The following GPR158 variants were observed in gnomAD, a reference collection of about 807,000 sequenced individuals.
GPR158 encodes metabotropic glycine receptor.
GPR158 carries 30 observed loss-of-function variants against 78.2 expected under a neutral mutation model. That is an observed-to-expected ratio of 0.38 (90% CI 0.29 to 0.52). The LOEUF is 0.52. Ranked by LOEUF, GPR158 falls within the 20% of genes least tolerant of loss-of-function variation. GPR158 has a pLI of 0.83. For synonymous variants in GPR158, 581 were observed against 591.1 expected, an observed-to-expected ratio of 0.98 and a Z score of 0.25; for missense variants, 1,463 against 1,523.5, an observed-to-expected ratio of 0.96 and a Z score of 0.66.
At chr10:25,367,357 A>T (rs1307665139) in intron 2 of GPR158, among the ~76,000 whole-genome samples, 2 of 151,516 alleles carry the variant, frequency 1.3e-5, no homozygotes, top group Non-Finnish European at 3.0e-5. Context: ...TTCTTGACTT[A>T]TGTCAATACT....
At chr10:25,338,623 T>TAC (rs1855260868) in intron 2 of GPR158, among the ~76,000 whole-genome samples, 1 of 147,916 alleles carries the variant, frequency 6.8e-6, no homozygotes. Flanking sequence ...ATCATATAAA[T>TAC]ATATAAGCTC....
intron 5 of GPR158, among the ~76,000 whole-genome samples, chr10:25,546,174 C>T (rs571511910): frequency 6.6e-6 from 1 of 152,244 alleles, no homozygotes; most frequent in South Asian, 2.1e-4. Context: ...TCAGCAGACA[C>T]AGTGGAGATT....
intron 2 of GPR158, among the ~76,000 whole-genome samples, chr10:25,239,083 G>A (rs1006849067): frequency 3.3e-5 from 5 of 152,122 alleles, no homozygotes; most frequent in Admixed American, 6.5e-5. Flanking sequence ...GGGAGGATGT[G>A]GAGAGTACAT....
intron 2 of GPR158, among the ~76,000 whole-genome samples, chr10:25,241,165 CTT>C (rs1564399320): frequency 8.3e-6 from 1 of 120,904 alleles, no homozygotes; most frequent in Non-Finnish European, 1.7e-5. Flanking sequence ...TTCTTTCTTT[CTT>C]TCTTTCTTTC....
At chr10:25,255,162 C>G (rs564784065) in intron 2 of GPR158, among the ~76,000 whole-genome samples, 2 of 152,218 alleles carry the variant, frequency 1.3e-5, no homozygotes, top group African/African-American at 4.8e-5. Flanking sequence ...GAGAGCAACA[C>G]AAACACAATA....
chr10:25,237,457 C>G (rs528942535), intron 2 of GPR158, among the ~76,000 whole-genome samples: 238 of 152,248 alleles, frequency 1.6e-3, no homozygotes, highest in African/African-American at 5.5e-3. Flanking sequence ...ATCATACATA[C>G]TATAATCAAC....
chr10:25,573,908 A>T (rs552774969), intron 7 of GPR158, among the ~76,000 whole-genome samples: 2 of 152,234 alleles, frequency 1.3e-5, no homozygotes, highest in East Asian at 3.9e-4. Flanking sequence ...GGGAATGATT[A>T]TAATATAAAG....
chr10:25,512,104 A>T (rs78464536), intron 5 of GPR158, among the ~76,000 whole-genome samples: 2,846 of 152,146 alleles, frequency 0.019, 89 homozygotes, highest in African/African-American at 0.065. Flanking sequence ...AATTGTATTG[A>T]ATTTGTAGAT....
Position 25,412,478 on chromosome 10 carries a change from A to G in GPR158, c.1335+5A>G. The G allele has an allele frequency of 1.3e-6, 2 of 1,596,450 alleles. 1 individual carries two copies. The highest frequency in any genetic ancestry group is 2.2e-5 in the South Asian group (2 of 90,756). ...TACCACTTTCGCAAAGCAAAGGTAAACCCAGGAACCCTGGTTATGATCCTG... is the reference window on the plus strand; with the variant it reads ...TACCACTTTCGCAAAGCAAAGGTAAGCCCAGGAACCCTGGTTATGATCCTG... On this transcript the variant is annotated splice_donor_5th_base_variant and intron_variant, in intron 4 of 10. Coordinates refer to ENST00000376351, the MANE Select transcript of GPR158 (RefSeq NM_020752.3).
intron 4 of GPR158, among the ~76,000 whole-genome samples, chr10:25,431,357 CAG>C (rs1394374232): frequency 6.7e-6 from 1 of 149,046 alleles, no homozygotes; most frequent in African/African-American, 2.5e-5. Context: ...AGTCAGGAAA[CAG>C]CAGGTGCTGG....
At chr10:25,297,509 A>G (rs1854533053) in intron 2 of GPR158, among the ~76,000 whole-genome samples, 2 of 142,642 alleles carry the variant, frequency 1.4e-5, no homozygotes, top group Admixed American at 1.3e-4. Flanking sequence ...CCAGAAGCAT[A>G]AACGTTTTTT....
intron 2 of GPR158, among the ~76,000 whole-genome samples, chr10:25,335,242 C>G (rs1211514941): frequency 6.6e-6 from 1 of 152,062 alleles, no homozygotes; most frequent in African/African-American, 2.4e-5. Context: ...AATGGATTTA[C>G]TAATGGCTTA....
chr10:25,298,787 G>A (rs1356106516), intron 2 of GPR158, among the ~76,000 whole-genome samples: 2 of 152,164 alleles, frequency 1.3e-5, no homozygotes, highest in African/African-American at 2.4e-5. Context: ...TGCCTAGGCA[G>A]TTGAGCTTAA....
At chr10:25,185,690 GC>G (rs1852674594) in intron 1 of GPR158, among the ~76,000 whole-genome samples, 1 of 152,120 alleles carries the variant, frequency 6.6e-6, no homozygotes, top group African/African-American at 2.4e-5. Context: ...AGGCGTGGTG[GC>G]AGGCGCCTGT....
chr10:25,364,542 C>G (rs1855691380), intron 2 of GPR158, among the ~76,000 whole-genome samples: 1 of 151,848 alleles, frequency 6.6e-6, no homozygotes, highest in Non-Finnish European at 1.5e-5. Flanking sequence ...ACATTTTTGA[C>G]TCTTTAATGC....
chr10:25,516,349 G>T (rs1273041869), intron 5 of GPR158, among the ~76,000 whole-genome samples: 1,913 of 149,812 alleles, frequency 0.013, 44 homozygotes, highest in African/African-American at 0.045. Flanking sequence ...TAGTTTCTTT[G>T]GCTGTGCAGA....
At chr10:25,474,867 G>A (rs1384170633) in intron 5 of GPR158, among the ~76,000 whole-genome samples, 1 of 152,138 alleles carries the variant, frequency 6.6e-6, no homozygotes, top group Non-Finnish European at 1.5e-5. Flanking sequence ...TAAGAATGAG[G>A]GCCCTTATTT....
At chr10:25,534,000 A>G (rs1432813507) in intron 5 of GPR158, among the ~76,000 whole-genome samples, 1 of 152,232 alleles carries the variant, frequency 6.6e-6, no homozygotes, top group African/African-American at 2.4e-5. Context: ...GCACTTAAAA[A>G]GTAACTGGAA....
chr10:25,176,388 G>A lies in GPR158; in HGVS notation c.902+66G>A. The A allele has an allele frequency of 1.6e-6, 2 of 1,256,834 alleles. No individual in the cohort carries two copies. Among genetic ancestry groups the A allele is most frequent in the Non-Finnish European group, 2.2e-6 (2 of 915,538 alleles). 77.9% of individuals were successfully genotyped at this position (1,256,834 alleles called of 1,614,324 possible). The stretch of plus-strand genomic sequence containing the variant: ...GCTTTCCTTCCGGTCTTGTGGGTGG[G>A]TGCACGTGTGAGGAAGGAACCCTTG... On this transcript the variant is annotated intron_variant, in intron 1 of 10. Transcript: ENST00000376351. The surrounding 1 kb of genome is among the most constrained non-coding windows in gnomAD (Gnocchi z 6.3).
Sources: gnomAD v4.1 joint callset for allele counts (sites outside exome capture counted in the v4.1 genomes callset) on GRCh38, gnomAD v4.1.1 for gene constraint, Gnocchi (gnomAD v3.1) non-coding constraint, MANE v1.5 for transcripts, NCBI Gene and HGNC (gene_info 2026-07-23, HGNC 2026-07-21) for gene names.